TRO: variants seen among roughly 807,000 people sequenced by gnomAD.
TRO encodes the protein MAGE superfamily protein.
In TRO, 29 loss-of-function variants were observed where a neutral mutation model predicts 42.3. The observed-to-expected ratio is 0.68, with a 90% CI of 0.51 to 0.93. The LOEUF (loss-of-function observed/expected upper bound fraction) is 0.93, where lower values mean the gene tolerates loss of function less well. Ranked by LOEUF, TRO falls within the 40% of genes least tolerant of loss-of-function variation. The pLI is 0.00. For missense variants in TRO, 963 were observed against 1,127.7 expected (o/e 0.85, Z 2.09); for synonymous variants, 384 against 425.2 (o/e 0.90, Z 1.19).
In TRO at chrX:54,927,705, C is replaced by G; in HGVS notation, c.1802C>G (p.Pro601Arg). ...AAGAGGGTCCCTAACAGCAGACCAC[C>G]TGAATATGAGTTCTTCTGGGGCTTG... The part of the protein sequence containing the change: ...EYKRVPNSRP[P>R]EYEFFWGLRS... Residue 601 changes from proline (P) to arginine (R), a missense_variant, in exon 11 of 13, where the codon CCT (proline) becomes CGT (arginine). Physicochemically the swap from Pro to Arg is moderately radical, Grantham distance 103 (BLOSUM62 -2). Around this residue, in one of 2 missense-constraint regions of TRO, gnomAD observed 641 missense variants for 811.3 expected, o/e 0.79. Coordinates refer to ENST00000173898, the MANE Select transcript of TRO (RefSeq NM_001039705.3). 8.3e-7 allele frequency: 1 copy of G among 1,211,580 alleles called. No individual in the cohort carries two copies. The highest frequency in any genetic ancestry group is 1.1e-6 in the Non-Finnish European group (1 of 895,317).
chrX:54,930,978 T>C lies in TRO; in HGVS notation c.4254T>C (p.Ser1418=), dbSNP rs766083022. 8.4e-7 allele frequency: 1 copy of C among 1,197,537 alleles called. No individual in the cohort carries two copies. The highest frequency in any genetic ancestry group is 3.0e-5 in the East Asian group (1 of 33,533). ...CGAGCACCAGTGCTGGCTTTGGCAG[T>C]GGAGCCGCCAGTCTTGGTGCCTGTG... ...GGPSTSAGFG[S]GAASLGACGF... The change falls in exon 12 of 13, where the codon AGT becomes AGC. Residue 1418 remains serine, a synonymous_variant. Coordinates refer to ENST00000173898, the MANE Select transcript of TRO (RefSeq NM_001039705.3).
chrX:54,929,612 C>A lies in TRO; in HGVS notation c.2888C>A (p.Pro963His). 1.7e-6 allele frequency: 2 copies of A among 1,210,781 alleles called. No individual in the cohort carries two copies. Among genetic ancestry groups the A allele is most frequent in the Non-Finnish European group, 2.2e-6 (2 of 895,037 alleles). The change falls in exon 12 of 13, where the codon CCC becomes CAC. Residue 963 changes from proline (P) to histidine (H), a missense_variant. Pro to His is a moderately conservative substitution (Grantham distance 77). Around this residue, in one of 2 missense-constraint regions of TRO, gnomAD observed 641 missense variants for 811.3 expected, o/e 0.79. Transcript: ENST00000173898. ...ACCAGCATCTGCTTTGATGGCTCTC[C>A]CAGCACTGGTGCTGGCTTTGGTGGT... ...LSTSICFDGS[P>H]STGAGFGGAL...
At position 54,924,973 on chromosome X, in the gene TRO, C is replaced by A; in HGVS notation, c.1406-16C>A. The stretch of plus-strand genomic sequence containing the variant: ...CCCTGCTAAGCTCAGCTACTCTCAC[C>A]TCTCCTTTTCTACAGACATGCTGAG... On this transcript the variant is annotated splice_polypyrimidine_tract_variant and intron_variant, in intron 5 of 12. Transcript: ENST00000173898. The A allele has an allele frequency of 8.3e-7, 1 of 1,205,668 alleles. No individual in the cohort carries two copies. The highest frequency in any genetic ancestry group is 1.1e-6 in the Non-Finnish European group (1 of 890,983).
Position 54,923,314 on chromosome X carries a change from G to A in TRO, c.782G>A (p.Arg261Lys), listed in dbSNP as rs1358600923. ...CGAACCAAGAAAGCCTCCAAAGCCA[G>A]GAAGACAATTGCTAAGGTCATAAAT... is the stretch of plus-strand genomic sequence containing the variant. ...SIRTKKASKA[R>K]KTIAKVINTD... is the part of the protein sequence containing the mutation. The change falls in exon 3 of 13, where the codon AGG becomes AAG. Residue 261 changes from arginine to lysine, a missense_variant. Transcript: ENST00000173898. The A allele has an allele frequency of 8.3e-7, 1 of 1,211,103 alleles. No homozygotes were observed. Among genetic ancestry groups the A allele is most frequent in the Admixed American group, 2.2e-5 (1 of 45,948 alleles).
At position 54,922,830 on chromosome X, in the gene TRO, C is replaced by T. The variant is rs1932256960; in HGVS notation, c.298C>T (p.Pro100Ser). Residue 100 changes from proline (P) to serine (S), a missense_variant, in exon 3 of 13, where the codon CCC (proline) becomes TCC (serine). This residue lies in a region of TRO where 322 missense variants were observed against 316.5 expected (regional missense o/e 1.02). Transcript: ENST00000173898. ...TGCCAATGAGATTGCCACCAACAAG[C>T]CCAAAATAACTTGGCAGGCTTTAAA... ...PAANEIATNKPKITWQALNLP... is the reference protein window; with the variant it reads ...PAANEIATNKSKITWQALNLP... 8.3e-7 allele frequency: 1 copy of T among 1,208,513 alleles called. No homozygotes were observed. The highest frequency in any genetic ancestry group is 1.8e-5 in the South Asian group (1 of 56,500).
intron 11 of TRO, among the ~76,000 whole-genome samples, chrX:54,928,306 G>C (rs1195409301): frequency 8.9e-6 from 1 of 112,143 alleles, no homozygotes; most frequent in Non-Finnish European, 1.9e-5. Context: ...CTGGGTGTTA[G>C]GGATTCAACA....
chrX:54,925,184 G>T (rs1932601801), intron 6 of TRO, 116 bp downstream of exon 6: 2 of 712,750 alleles, frequency 2.8e-6, no homozygotes, highest in Non-Finnish European at 4.2e-6. Context: ...CCATTACTGT[G>T]TGAATGGGCA....
intron 8 of TRO, 44 bp from the exon 9 acceptor site, chrX:54,926,539 T>C: frequency 1.7e-6 from 2 of 1,205,758 alleles, no homozygotes; most frequent in Non-Finnish European, 2.2e-6. Flanking sequence ...CTGGATTCCA[T>C]GTGTTCAATT....
Position 54,930,385 on chromosome X carries a change from G to A in TRO, c.3661G>A (p.Gly1221Ser). The A allele has an allele frequency of 1.7e-6, 2 of 1,212,107 alleles. No individual in the cohort carries two copies. The highest frequency in any genetic ancestry group is 2.2e-6 in the Non-Finnish European group (2 of 895,550). The change falls in exon 12 of 13, where the codon GGT becomes AGT. Residue 1221 changes from glycine (G) to serine (S), a missense_variant. Gly to Ser is a moderately conservative substitution (Grantham distance 56). Coordinates refer to ENST00000173898, the MANE Select transcript of TRO (RefSeq NM_001039705.3). ...ACTGAACACCAGTGCTGGCTTTGGTGGTGGCCTAGGCACCAGTGCTGGCTT... is the reference window on the plus strand; with the variant it reads ...ACTGAACACCAGTGCTGGCTTTGGTAGTGGCCTAGGCACCAGTGCTGGCTT... Reference protein sequence around the residue: ...GGLNTSAGFGGGLGTSAGFSG... With the variant: ...GGLNTSAGFGSGLGTSAGFSG...
chrX:54,925,701 T>C lies in TRO; in HGVS notation c.1577+18T>C, dbSNP rs373568104. On this transcript the variant is annotated intron_variant, in intron 7 of 12. Transcript: ENST00000173898. ...CTGGGAACGTAAGCTGGGAAAGGGC[T>C]GGAGTGGGAAGGAAGCTTCTGCTTT... is the stretch of plus-strand genomic sequence containing the variant. 2.5e-5 allele frequency: 29 copies of C among 1,165,137 alleles called. No homozygotes were observed. The highest frequency in any genetic ancestry group is 3.5e-5 in the African/African-American group (2 of 56,339).
chrX:54,930,051 C>T lies in TRO; in HGVS notation c.3327C>T (p.Phe1109=), dbSNP rs74903554. The change falls in exon 12 of 13, where the codon TTC becomes TTT. Residue 1109 remains phenylalanine, a synonymous_variant. Coordinates refer to ENST00000173898, the MANE Select transcript of TRO (RefSeq NM_001039705.3). ...FGGAFSTSAG[F]GGALSTAADF... is the part of the protein sequence containing the mutation. Reference sequence around the variant, plus strand: ...GTGCATTTAGCACCAGTGCTGGCTTCGGTGGGGCACTTAGTACCGCTGCTG... The same window carrying T: ...GTGCATTTAGCACCAGTGCTGGCTTTGGTGGGGCACTTAGTACCGCTGCTG... 3.7e-5 allele frequency: 45 copies of T among 1,206,076 alleles called. No individual in the cohort carries two copies. The highest frequency in any genetic ancestry group is 2.3e-4 in the Middle Eastern group (1 of 4,330).
At chrX:54,926,321 T>C (rs1932751893) in intron 7 of TRO, 89 bp from the exon 8 acceptor site, 2 of 893,995 alleles carry the variant, frequency 2.2e-6, no homozygotes, top group African/African-American at 4.0e-5. Flanking sequence ...AGCTGGCTGG[T>C]GTATCTTTTG....
rs1932982594 is a variant in TRO at position 54,930,023 on chromosome X, G to A, written c.3299G>A (p.Gly1100Asp). Residue 1100 changes from glycine to aspartate, a missense_variant, in exon 12 of 13, where the codon GGC becomes GAC. Gly to Asp is a moderately conservative substitution (Grantham distance 94, BLOSUM62 -1). Coordinates refer to ENST00000173898, the MANE Select transcript of TRO (RefSeq NM_001039705.3). ...GCACCAATCACCAACCCTGGCTTTG[G>A]CGGTGCATTTAGCACCAGTGCTGGC... ...SGAPITNPGF[G>D]GAFSTSAGFG... is the part of the protein sequence containing the mutation. The A allele has an allele frequency of 3.3e-6, 4 of 1,212,048 alleles. No homozygotes were observed. Among genetic ancestry groups the A allele is most frequent in the Non-Finnish European group, 4.5e-6 (4 of 895,609 alleles).
chrX:54,925,690 T>C lies in TRO; in HGVS notation c.1577+7T>C. On this transcript the variant is annotated splice_region_variant and intron_variant, in intron 7 of 12. Coordinates refer to ENST00000173898, the MANE Select transcript of TRO (RefSeq NM_001039705.3). ...CTGCAGGCATACTGGGAACGTAAGC[T>C]GGGAAAGGGCTGGAGTGGGAAGGAA... The C allele has an allele frequency of 8.4e-7, 1 of 1,192,402 alleles. No homozygotes were observed. The highest frequency in any genetic ancestry group is 1.1e-6 in the Non-Finnish European group (1 of 878,637).
rs1932656933 is a variant in TRO, at chrX:54,925,606, T to C, written c.1500T>C (p.Asn500=). The change falls in exon 7 of 13, where the codon AAT becomes AAC. Residue 500 remains asparagine, a synonymous_variant. Coordinates refer to ENST00000173898, the MANE Select transcript of TRO (RefSeq NM_001039705.3). ...TTACTTGGCAGATGTTTCGAGTCAA[T>C]CTGAAAGAAATTGATAAGCAAAGTA... ...SYTLEKMFRV[N]LKEIDKQSSL... is the part of the protein sequence containing the mutation. The C allele has an allele frequency of 5.0e-6, 6 of 1,210,246 alleles. No individual in the cohort carries two copies. In the South Asian group the frequency reaches 8.8e-5, roughly 18 times the overall value.
At chrX:54,926,775 G>A (rs943031362) in intron 9 of TRO, 150 bp downstream of exon 9, 35 of 880,242 alleles carry the variant, frequency 4.0e-5, no homozygotes, top group South Asian at 7.3e-5. Flanking sequence ...GGTGGATGAC[G>A]GGCAAATGGT....
intron 10 of TRO, chrX:54,927,317 G>A: frequency 2.0e-6 from 1 of 505,749 alleles, no homozygotes; most frequent in Non-Finnish European, 3.5e-6. Context: ...GGTGCGCTCA[G>A]AGCAGAGGGC....
At position 54,926,634 on chromosome X, in the gene TRO, G is replaced by C; in HGVS notation, c.1700+9G>C. On this transcript the variant is annotated intron_variant, in intron 9 of 12. Coordinates refer to ENST00000173898, the MANE Select transcript of TRO (RefSeq NM_001039705.3). ...TTGGGGCTGCGCCCTGGGTATGACT[G>C]GGCTCTCTCAGCGCTTGCTGTCCGT... The C allele has an allele frequency of 8.3e-7, 1 of 1,211,438 alleles. No individual in the cohort carries two copies. The highest frequency in any genetic ancestry group is 1.8e-5 in the South Asian group (1 of 56,952).
chrX:54,930,278 C>A lies in TRO; in HGVS notation c.3554C>A (p.Pro1185His). 1 of 1,212,071 alleles carries A rather than the reference C, an allele frequency of 8.3e-7. No individual in the cohort carries two copies. Among genetic ancestry groups the A allele is most frequent in the East Asian group, 3.0e-5 (1 of 33,846 alleles). The change falls in exon 12 of 13, where the codon CCT (proline) becomes CAT (histidine). Residue 1185 changes from proline to histidine, a missense_variant. Pro to His is a moderately conservative substitution (Grantham distance 77). Coordinates refer to ENST00000173898, the MANE Select transcript of TRO (RefSeq NM_001039705.3). ...GCCTGCTTTAGTGGTGCTACCAGCC[C>A]TAGTTTTTGTGATGGACCCAGCACC... Reference protein sequence around the residue: ...TSACFSGATSPSFCDGPSTST... With the variant: ...TSACFSGATSHSFCDGPSTST...
Sources: gnomAD v4.1 joint callset for allele counts (sites outside exome capture counted in the v4.1 genomes callset) on GRCh38, gnomAD v4.1.1 for gene constraint, gnomAD v4.1.1 regional missense constraint, MANE v1.5 for transcripts, NCBI Gene and HGNC (gene_info 2026-07-23, HGNC 2026-07-21) for gene names.